PCCB: variants seen among roughly 807,000 people sequenced by gnomAD.
PCCB encodes the protein propionyl-CoA carboxylase subunit beta, also known as propionyl-CoA carboxylase beta chain, mitochondrial.
PCCB carries 43 observed loss-of-function variants against 60.7 expected under a neutral mutation model. The observed-to-expected ratio is 0.71, with a 90% CI of 0.55 to 0.91. The LOEUF is 0.91. Ranked by LOEUF, PCCB falls within the 40% of genes least tolerant of loss-of-function variation. The pLI is 0.00. For missense variants in PCCB, 766 were observed against 702.8 expected (o/e 1.09, Z -1.02); for synonymous variants, 276 against 255.9 (o/e 1.08, Z -0.75).
chr3:136,285,367 T>C (rs1216580216), intron 6 of PCCB, among the ~76,000 whole-genome samples: 1 of 152,168 alleles, frequency 6.6e-6, no homozygotes, highest in African/African-American at 2.4e-5. Context: ...CTCTTTAGTA[T>C]CTTCAGTCTG....
intron 5 of PCCB, 123 bp downstream of exon 5, chr3:136,262,188 C>T (rs1453925851): frequency 2.8e-6 from 2 of 716,660 alleles, no homozygotes; most frequent in East Asian, 2.7e-5. Flanking sequence ...TTCTGTGGGT[C>T]CTTTCTGTGT....
intron 9 of PCCB, among the ~76,000 whole-genome samples, 188 bp downstream of exon 9, chr3:136,301,299 A>G (rs974621860): frequency 1.3e-5 from 2 of 152,098 alleles, no homozygotes; most frequent in African/African-American, 4.8e-5. Context: ...GGCTATAGAT[A>G]CCCTAGTGGC....
chr3:136,250,640 C>A, intron 1 of PCCB, 82 bp downstream of exon 1: 1 of 1,385,646 alleles, frequency 7.2e-7, no homozygotes, highest in Non-Finnish European at 9.8e-7. Flanking sequence ...GCGTCCGAGG[C>A]CTCCCTGCCA....
chr3:136,290,875 C>T (rs1391230799), intron 6 of PCCB, among the ~76,000 whole-genome samples: 1 of 151,354 alleles, frequency 6.6e-6, no homozygotes, highest in Admixed American at 6.6e-5. Context: ...TTTAGATACT[C>T]CAGTTTTGTT....
chr3:136,250,642 T>TATCACTGCGTG, intron 1 of PCCB, 84 bp downstream of exon 1: 1 of 1,349,060 alleles, frequency 7.4e-7, no homozygotes, highest in Non-Finnish European at 1.0e-6. Flanking sequence ...GTCCGAGGCC[T>TATCACTGCGTG]CCCTGCCAAT....
intron 6 of PCCB, among the ~76,000 whole-genome samples, chr3:136,286,358 C>T (rs1186464965): frequency 6.6e-6 from 1 of 152,226 alleles, no homozygotes; most frequent in Non-Finnish European, 1.5e-5. Flanking sequence ...ATGCTGACAA[C>T]TCTGAAATCT....
At position 136,250,530 on chromosome 3, in the gene PCCB, A is replaced by G. The variant is rs769039164; in HGVS notation, c.155A>G (p.Gln52Arg). ...KRRTALLGGG[Q>R]RRIDAQHKRG... The stretch of plus-strand genomic sequence containing the variant: ...CGGACCGCGCTGCTGGGAGGGGGCC[A>G]ACGCCGTATTGACGCGCAGCACAAG... Residue 52 changes from glutamine (Q) to arginine (R), a missense_variant, in exon 1 of 15, where the codon CAA becomes CGA. Transcript: ENST00000251654. 1.2e-6 allele frequency: 2 copies of G among 1,612,890 alleles called. No homozygotes were observed. The highest frequency in any genetic ancestry group is 8.5e-7 in the Non-Finnish European group (1 of 1,179,776).
At chr3:136,267,092 C>G (rs138086936) in intron 5 of PCCB, among the ~76,000 whole-genome samples, 71 of 152,242 alleles carry the variant, frequency 4.7e-4, no homozygotes, top group African/African-American at 1.6e-3. Flanking sequence ...ACCATGTTGC[C>G]CAGGCTGGTC....
chr3:136,317,153 C>T (rs2108226822), intron 10 of PCCB, 89 bp downstream of exon 10: 1 of 1,277,356 alleles, frequency 7.8e-7, no homozygotes, highest in South Asian at 1.2e-5. Flanking sequence ...TTTGCCTGTT[C>T]TTCAGACATG....
intron 10 of PCCB, among the ~76,000 whole-genome samples, chr3:136,323,797 C>T (rs1029017208): frequency 9.4e-6 from 1 of 106,792 alleles, no homozygotes; most frequent in Non-Finnish European, 1.9e-5. Flanking sequence ...AGAAACAAAA[C>T]AAAACATCTC....
At chr3:136,300,695 C>T (rs963778518) in intron 8 of PCCB, among the ~76,000 whole-genome samples, 1 of 151,996 alleles carries the variant, frequency 6.6e-6, no homozygotes, top group Admixed American at 6.5e-5. Context: ...AGGGCTGTGT[C>T]TTGTTCACTA....
chr3:136,297,931 A>G (rs757562655), intron 7 of PCCB, 21 bp from the exon 8 acceptor site: 27 of 1,613,814 alleles, frequency 1.7e-5, no homozygotes, highest in Admixed American at 6.7e-5. Flanking sequence ...ACTCAATCAT[A>G]TATGCTCCCT....
intron 9 of PCCB, among the ~76,000 whole-genome samples, chr3:136,312,200 C>T (rs1050781989): frequency 6.6e-6 from 1 of 152,354 alleles, no homozygotes; most frequent in South Asian, 2.1e-4. Flanking sequence ...CATCATTAGG[C>T]AGTTTCTTTG....
intron 1 of PCCB, chr3:136,251,425 C>T (rs1013280539): frequency 4.8e-6 from 2 of 419,208 alleles, no homozygotes; most frequent in African/African-American, 4.1e-5. Flanking sequence ...AGTATTCAGG[C>T]ACAACTCACA....
chr3:136,256,595 A>T lies in PCCB; in HGVS notation c.344A>T (p.Asn115Ile). 6.2e-7 allele frequency: 1 copy of T among 1,613,180 alleles called. No homozygotes were observed. Among genetic ancestry groups the T allele is most frequent in the Non-Finnish European group, 8.5e-7 (1 of 1,179,126 alleles). The change falls in exon 3 of 15, where the codon AAT becomes ATT. Residue 115 changes from asparagine (N) to isoleucine (I), a missense_variant. Asn to Ile is a moderately radical substitution (Grantham distance 149, BLOSUM62 -3). Transcript: ENST00000251654. ...GTGGTCACTGGACGAGGCCGAATCA[A>T]TGGAAGATTGGTTTATGTCTTCAGT... is the stretch of plus-strand genomic sequence containing the variant. ...DSVVTGRGRI[N>I]GRLVYVFSQD...
chr3:136,261,898 C>T (rs112730715), intron 4 of PCCB, 54 bp from the exon 5 acceptor site: 34 of 1,226,858 alleles, frequency 2.8e-5, no homozygotes, highest in Middle Eastern at 3.7e-4. Flanking sequence ...TTGTGAATGT[C>T]GTTTTTTATA....
chr3:136,296,425 G>A (rs1933944210), intron 7 of PCCB, among the ~76,000 whole-genome samples: 2 of 152,284 alleles, frequency 1.3e-5, no homozygotes, highest in African/African-American at 4.8e-5. Flanking sequence ...CATCCATGTT[G>A]TATCATGAAT....
At position 136,250,380 on chromosome 3, in the gene PCCB, C is replaced by A; in HGVS notation, c.5C>A (p.Ala2Glu). Reference protein sequence around the residue: MAAALRVAAVGA... With the variant: MEAALRVAAVGA... ...GGACGCGCCGGCACAGCAAAAATGGCGGCGGCATTACGGGTGGCGGCGGTC... is the reference window on the plus strand; with the variant it reads ...GGACGCGCCGGCACAGCAAAAATGGAGGCGGCATTACGGGTGGCGGCGGTC... The change falls in exon 1 of 15, where the codon GCG becomes GAG. Residue 2 changes from alanine (A) to glutamate (E), a missense_variant. Coordinates refer to ENST00000251654, the MANE Select transcript of PCCB (RefSeq NM_000532.5). 2.0e-6 allele frequency: 3 copies of A among 1,526,858 alleles called. No individual in the cohort carries two copies. The highest frequency in any genetic ancestry group is 1.4e-5 in the African/African-American group (1 of 72,712). 94.6% of individuals were successfully genotyped at this position (1,526,858 alleles called of 1,614,324 possible).
chr3:136,250,928 A>G (rs1024749691), intron 1 of PCCB, among the ~76,000 whole-genome samples: 5 of 152,222 alleles, frequency 3.3e-5, no homozygotes, highest in Admixed American at 6.5e-5. Context: ...GGCGCTCAGT[A>G]AAAACCATGT....
Sources: allele counts gnomAD v4.1 joint callset (sites outside exome capture counted in the v4.1 genomes callset), GRCh38; gene constraint gnomAD v4.1.1; transcripts MANE v1.5; gene names NCBI Gene and HGNC (gene_info 2026-07-23, HGNC 2026-07-21).